CDIN1: variants seen among roughly 807,000 people sequenced by gnomAD.
CDIN1 encodes the protein CDAN1 interacting nuclease 1.
CDIN1 carries 33 observed loss-of-function variants against 45.3 expected under a neutral mutation model. The ratio of observed to expected loss-of-function variants is 0.73; its 90% CI spans 0.55 to 0.97. CDIN1 has a LOEUF of 0.97. Ranked by LOEUF, CDIN1 falls within the 50% of genes least tolerant of loss-of-function variation. CDIN1 has a pLI of 0.00. For synonymous variants in CDIN1, 118 were observed against 124.4 expected, an observed-to-expected ratio of 0.95 and a Z score of 0.34; for missense variants, 303 against 339.4, an observed-to-expected ratio of 0.89 and a Z score of 0.84.
At chr15:36,740,615 G>T (rs1189400254) in intron 10 of CDIN1, among the ~76,000 whole-genome samples, 1 of 152,064 alleles carries the variant, frequency 6.6e-6, no homozygotes, top group African/African-American at 2.4e-5. Flanking sequence ...TGGGCTGGGC[G>T]CAGTGGCTCA....
intron 1 of CDIN1, among the ~76,000 whole-genome samples, chr15:36,597,761 TC>T (rs2037905843): frequency 6.6e-6 from 1 of 152,208 alleles, no homozygotes; most frequent in Non-Finnish European, 1.5e-5. Flanking sequence ...CTTTGTGGTT[TC>T]TTTGCTCCAC....
At position 36,726,051 on chromosome 15, in the gene CDIN1, A is replaced by G. The variant is rs913277173; in HGVS notation, c.716+16090A>G. 2.0e-5 allele frequency among the ~76,000 whole-genome samples: 3 copies of G among 152,324 alleles called. No homozygotes were observed. The Middle Eastern group carries it at 0.01, about 518-fold the overall frequency. ...AAGTATTTCAGTGGTTTTGTTTCCA[A>G]ATGTGATAACTGTCTACTAAATGAA... On this transcript the variant is annotated intron_variant, in intron 10 of 10. Transcript: ENST00000566621.
At chr15:36,701,386 A>G (rs2042638523) in intron 8 of CDIN1, among the ~76,000 whole-genome samples, 1 of 152,172 alleles carries the variant, frequency 6.6e-6, no homozygotes, top group African/African-American at 2.4e-5. Flanking sequence ...GTGATTAATG[A>G]GACCGTATTT....
chr15:36,622,271 A>T (rs1408568442), intron 1 of CDIN1, among the ~76,000 whole-genome samples: 5 of 151,026 alleles, frequency 3.3e-5, no homozygotes, highest in Non-Finnish European at 7.4e-5. Flanking sequence ...GCTAGTGGTG[A>T]CCCAGTTTTT....
chr15:36,808,088 T>C (rs954918884), intron 10 of CDIN1, among the ~76,000 whole-genome samples: 3 of 152,164 alleles, frequency 2.0e-5, no homozygotes, highest in Non-Finnish European at 4.4e-5. Context: ...AGTTTCCATA[T>C]CTGAAATACT....
At chr15:36,747,073 T>C in intron 10 of CDIN1, 1 of 392,874 alleles carries the variant, frequency 2.5e-6, no homozygotes. Context: ...AATGTGTTTG[T>C]AAATAACAAA....
At chr15:36,707,777 T>C (rs766200953) in intron 8 of CDIN1, 2 of 152,326 alleles carry the variant, frequency 1.3e-5, no homozygotes, top group Non-Finnish European at 2.9e-5. Flanking sequence ...TTGATTTTAA[T>C]TAAATATTCT....
Position 36,645,228 on chromosome 15 carries a change from C to T in CDIN1, c.153C>T (p.His51=), listed in dbSNP as rs1371263712. The T allele has an allele frequency of 1.9e-6, 3 of 1,551,354 alleles. No homozygotes were observed. In the African/African-American group the frequency reaches 4.1e-5, roughly 21 times the overall value. ...LSIFSQEYQK[H]IKRTHAKHHT... The stretch of plus-strand genomic sequence containing the variant: ...TGTTGTTTTTTTTCTTTCAGAAACA[C>T]ATTAAAAGAACACATGCCAAACATC... The change falls in exon 3 of 11, where the codon CAC becomes CAT. Residue 51 remains histidine (H), a synonymous_variant. Coordinates refer to ENST00000566621, the MANE Select transcript of CDIN1 (RefSeq NM_001321759.2).
intron 10 of CDIN1, among the ~76,000 whole-genome samples, chr15:36,745,095 A>G (rs534305625): frequency 1.3e-5 from 2 of 152,328 alleles, no homozygotes; most frequent in African/African-American, 2.4e-5. Flanking sequence ...AGCCAGGGTT[A>G]TACATACAGT....
At chr15:36,678,059 A>C (rs1176385402) in intron 5 of CDIN1, among the ~76,000 whole-genome samples, 2 of 152,236 alleles carry the variant, frequency 1.3e-5, no homozygotes, top group Non-Finnish European at 2.9e-5. Flanking sequence ...GTTATTTCTT[A>C]CATGATTATG....
At chr15:36,722,655 G>A (rs2043468591) in intron 10 of CDIN1, among the ~76,000 whole-genome samples, 1 of 152,096 alleles carries the variant, frequency 6.6e-6, no homozygotes, top group Non-Finnish European at 1.5e-5. Context: ...ATCTTCTGAT[G>A]TTTTGTATCA....
intron 10 of CDIN1, among the ~76,000 whole-genome samples, chr15:36,801,282 A>G (rs2055036822): frequency 6.6e-6 from 1 of 151,998 alleles, no homozygotes; most frequent in Non-Finnish European, 1.5e-5. Context: ...AAATTATGTA[A>G]TAGTACATAA....
chr15:36,747,239 T>G, intron 10 of CDIN1: 4 of 354,488 alleles, frequency 1.1e-5, no homozygotes, highest in Non-Finnish European at 2.0e-5. Flanking sequence ...ATAGTTCCCG[T>G]AACACTTGTA....
intron 10 of CDIN1, among the ~76,000 whole-genome samples, chr15:36,807,479 T>C (rs1021261866): frequency 3.3e-5 from 5 of 152,150 alleles, no homozygotes; most frequent in African/African-American, 1.2e-4. Flanking sequence ...TGTGCAGTGA[T>C]TGATAGTGAT....
At chr15:36,773,469 A>G (rs1038009912) in intron 10 of CDIN1, among the ~76,000 whole-genome samples, 1 of 152,214 alleles carries the variant, frequency 6.6e-6, no homozygotes, top group African/African-American at 2.4e-5. Context: ...TTTTAATATT[A>G]CACGTGGCTA....
At chr15:36,747,529 T>C (rs907889036) in intron 10 of CDIN1, among the ~76,000 whole-genome samples, 2 of 152,174 alleles carry the variant, frequency 1.3e-5, no homozygotes, top group Non-Finnish European at 2.9e-5. Flanking sequence ...TGGTTTTCTT[T>C]AAAAAATCAC....
intron 5 of CDIN1, among the ~76,000 whole-genome samples, chr15:36,676,292 A>G (rs1269412544): frequency 3.9e-5 from 6 of 152,134 alleles, no homozygotes; most frequent in Non-Finnish European, 8.8e-5. Context: ...CTGCCGAAAA[A>G]GAACACACTT....
At chr15:36,698,096 A>T (rs1385827070) in intron 8 of CDIN1, among the ~76,000 whole-genome samples, 3 of 152,188 alleles carry the variant, frequency 2.0e-5, no homozygotes, top group Non-Finnish European at 2.9e-5. Context: ...TTTTATATAG[A>T]TATTGAAGAG....
chr15:36,776,933 T>C (rs777193942), intron 10 of CDIN1, among the ~76,000 whole-genome samples: 2 of 152,222 alleles, frequency 1.3e-5, no homozygotes, highest in Non-Finnish European at 2.9e-5. Context: ...AATTTCCTAT[T>C]ATATCATAAA....
Sources: allele counts gnomAD v4.1 joint callset (sites outside exome capture counted in the v4.1 genomes callset), GRCh38; gene constraint gnomAD v4.1.1; transcripts MANE v1.5; gene names NCBI Gene and HGNC (gene_info 2026-07-23, HGNC 2026-07-21).